Variants in CA5A observed in about 807,000 individuals in gnomAD.
CA5A encodes the protein carbonic anhydrase 5A.
Under a neutral mutation model 37.1 loss-of-function variants are expected in CA5A, and 28 were observed. The observed-to-expected ratio is 0.75, with a 90% CI of 0.56 to 1.03. The LOEUF (loss-of-function observed/expected upper bound fraction) is 1.03. Among genes scored for constraint, CA5A ranks in the 50% least tolerant of loss-of-function variants. The pLI, the probability that CA5A is intolerant of heterozygous loss-of-function variation, is 0.00. For synonymous variants in CA5A, 171 were observed against 158.4 expected, an observed-to-expected ratio of 1.08 and a Z score of -0.60; for missense variants, 444 against 399.9, an observed-to-expected ratio of 1.11 and a Z score of -0.94.
chr16:87,924,345 GGAGA>G lies in CA5A; in HGVS notation c.340+2399_340+2402del, dbSNP rs140085252. ...GCGTGGCTCCTTCTCACCTTCGAAA[GGAGA>G]GAGAGACACTGGAAGGACCAAGCCG... On this transcript the variant is annotated intron_variant, in intron 2 of 6. Coordinates refer to ENST00000649794, the MANE Select transcript of CA5A (RefSeq NM_001739.2). The G allele has an allele frequency of 3.1e-6, 3 of 982,118 alleles. 1 individual carries two copies. Among genetic ancestry groups the G allele is most frequent in the South Asian group, 9.4e-5 (2 of 21,218 alleles). The allele number at this position is 982,118 out of a possible 1,614,324, so 60.8% of individuals were successfully genotyped here.
chr16:87,897,577 C>A (rs1720295810), intron 5 of CA5A, among the ~76,000 whole-genome samples: 1 of 152,210 alleles, frequency 6.6e-6, no homozygotes, highest in African/African-American at 2.4e-5. Context: ...GTTACAGACA[C>A]TGCCTGTGTT....
At position 87,908,973 on chromosome 16, in the gene CA5A, A is replaced by G. The variant is rs182290490; in HGVS notation, c.341-4069T>C. 8.2e-3 allele frequency among the ~76,000 whole-genome samples: 1,206 copies of G among 146,516 alleles called. 14 individuals carry two copies. Among genetic ancestry groups the G allele is most frequent in the African/African-American group, 0.028 (1,112 of 39,274 alleles). ...CAAGTAGCTGGGACTACAGGTGCGC[A>G]CCACCACACCCGGCTATTTTTTTTT... On this transcript the variant is annotated intron_variant, in intron 2 of 6. Coordinates refer to ENST00000649794, the MANE Select transcript of CA5A (RefSeq NM_001739.2).
chr16:87,921,383 C>T (rs1338473921), intron 2 of CA5A, among the ~76,000 whole-genome samples: 2 of 152,240 alleles, frequency 1.3e-5, no homozygotes, highest in African/African-American at 2.4e-5. Context: ...GATTTCTCCC[C>T]CTCTTGGCTT....
intron 1 of CA5A, among the ~76,000 whole-genome samples, chr16:87,932,678 GA>G (rs200095587): frequency 1.3e-5 from 2 of 151,976 alleles, no homozygotes; most frequent in African/African-American, 2.4e-5. Flanking sequence ...AGGTGCAGGG[GA>G]CATGGAATCA....
At chr16:87,932,264 A>C (rs1016030657) in intron 1 of CA5A, among the ~76,000 whole-genome samples, 1 of 152,138 alleles carries the variant, frequency 6.6e-6, no homozygotes, top group Non-Finnish European at 1.5e-5. Context: ...CACAGACCTG[A>C]ATGTAGACAG....
chr16:87,889,985 C>T (rs555057298), intron 6 of CA5A, among the ~76,000 whole-genome samples: 1 of 152,284 alleles, frequency 6.6e-6, no homozygotes, highest in Admixed American at 6.5e-5. Context: ...CACGTGGCCT[C>T]CTGGGCCGTG....
chr16:87,892,534 T>G (rs1382871501), intron 5 of CA5A, among the ~76,000 whole-genome samples: 4 of 138,538 alleles, frequency 2.9e-5, no homozygotes, highest in Non-Finnish European at 6.3e-5. Context: ...ATAATAATAA[T>G]AATAATAATA....
At position 87,934,698 on chromosome 16, in the gene CA5A, G is replaced by A. The variant is rs544927028; in HGVS notation, c.142+1611C>T. On this transcript the variant is annotated intron_variant, in intron 1 of 6. Transcript: ENST00000649794. The stretch of plus-strand genomic sequence containing the variant: ...AAGGGGGGTGGGTGCAGTGGCTCAC[G>A]CCTGTAATCCCAGCACTTTAGGAGG... Among the ~76,000 whole-genome samples the A allele has an allele frequency of 5.5e-4, 84 of 152,306 alleles. No homozygotes were observed. In the South Asian group the frequency reaches 0.015, roughly 27 times the overall value.
downstream of CA5A, chr16:87,886,709 A>G (rs1435169329): frequency 1.4e-4 from 22 of 152,148 alleles, no homozygotes; most frequent in Admixed American, 1.4e-3. Flanking sequence ...TGATCGATCA[A>G]TCAATAGATA....
intron 5 of CA5A, among the ~76,000 whole-genome samples, chr16:87,894,499 G>A (rs1239954628): frequency 1.3e-5 from 2 of 152,010 alleles, no homozygotes; most frequent in East Asian, 1.9e-4. Context: ...AAGGAAGCCC[G>A]GGAGTGTCCA....
intron 2 of CA5A, among the ~76,000 whole-genome samples, chr16:87,910,779 C>G (rs943242096): frequency 6.6e-6 from 1 of 151,922 alleles, no homozygotes; most frequent in African/African-American, 2.4e-5. Flanking sequence ...TGAGATGGAG[C>G]CTTGCTGTCA....
intron 2 of CA5A, among the ~76,000 whole-genome samples, chr16:87,917,104 C>CAAAAAAA (rs762381468): frequency 4.6e-5 from 3 of 65,852 alleles, no homozygotes; most frequent in African/African-American, 1.4e-4. Flanking sequence ...GAGTCTGTCT[C>CAAAAAAA]AAAAAAAAAA....
At chr16:87,916,538 A>C (rs573664453) in intron 2 of CA5A, among the ~76,000 whole-genome samples, 39 of 152,282 alleles carry the variant, frequency 2.6e-4, no homozygotes, top group African/African-American at 8.7e-4. Flanking sequence ...CCGCTGGCCT[A>C]TCACCTGCTT....
In CA5A at chr16:87,921,244, T is replaced by C. The variant is rs371544181; in HGVS notation, c.340+5504A>G. On this transcript the variant is annotated intron_variant, in intron 2 of 6. Coordinates refer to ENST00000649794, the MANE Select transcript of CA5A (RefSeq NM_001739.2). ...CGCCTGGCCACTTTTATTTGTCTGC[T>C]TTTATCAGGACTCTTGGAAGCAAGT... Among the ~76,000 whole-genome samples, 5 of 152,352 alleles carry C rather than the reference T, an allele frequency of 3.3e-5. No homozygotes were observed. In the East Asian group the frequency reaches 9.6e-4, roughly 29 times the overall value.
At chr16:87,923,244 A>C (rs1475902951) in intron 2 of CA5A, among the ~76,000 whole-genome samples, 1 of 152,142 alleles carries the variant, frequency 6.6e-6, no homozygotes, top group Non-Finnish European at 1.5e-5. Context: ...GCTGGAGTGC[A>C]GTGGCTCGAT....
At chr16:87,930,947 G>C (rs1255294536) in intron 1 of CA5A, among the ~76,000 whole-genome samples, 1 of 151,840 alleles carries the variant, frequency 6.6e-6, no homozygotes, top group African/African-American at 2.4e-5. Flanking sequence ...CACCGTGTTG[G>C]CTAGGATGGT....
At chr16:87,883,988 C>G (rs940918759), downstream of CA5A, 1 of 151,820 alleles carries the variant, frequency 6.6e-6, no homozygotes, top group African/African-American at 2.4e-5. Context: ...GCCTTTATCA[C>G]CTTGGGAAAC....
Position 87,888,081 on chromosome 16 carries a change from C to T in CA5A, c.*48G>A. The T allele has an allele frequency of 1.3e-6, 2 of 1,536,156 alleles. No homozygotes were observed. Among genetic ancestry groups the T allele is most frequent in the African/African-American group, 1.4e-5 (1 of 72,422 alleles). On this transcript the variant is annotated 3_prime_UTR_variant, in exon 7 of 7. Coordinates refer to ENST00000649794, the MANE Select transcript of CA5A (RefSeq NM_001739.2). ...ACATTGTGAAACTTGGGAAACAACG[C>T]TTCCTTCCTTCAAAGTCAGTTCTGC... is the stretch of plus-strand genomic sequence containing the variant.
At chr16:87,893,773 A>C (rs781703818) in intron 5 of CA5A, 5 of 405,768 alleles carry the variant, frequency 1.2e-5, no homozygotes, top group Non-Finnish European at 2.4e-5. Context: ...GAATACACTC[A>C]CAGCCAAAAA....
Sources: gnomAD v4.1 joint callset for allele counts (sites outside exome capture counted in the v4.1 genomes callset) on GRCh38, gnomAD v4.1.1 for gene constraint, MANE v1.5 for transcripts, NCBI Gene and HGNC (gene_info 2026-07-23, HGNC 2026-07-21) for gene names.